GBE1: variants seen among roughly 807,000 people sequenced by gnomAD.
GBE1 encodes the protein 1,4-alpha-glucan-branching enzyme.
GBE1 carries 70 observed loss-of-function variants against 88.8 expected under a neutral mutation model. That is an observed-to-expected ratio of 0.79 (90% CI 0.65 to 0.96). The LOEUF is 0.96. Ranked by LOEUF, GBE1 falls within the 40% of genes least tolerant of loss-of-function variation. GBE1 has a pLI of 0.00. For missense variants in GBE1, 872 were observed against 871.0 expected, an observed-to-expected ratio of 1.00 and a Z score of -0.01; for synonymous variants, 284 against 300.1, an observed-to-expected ratio of 0.95 and a Z score of 0.56.
intron 6 of GBE1, among the ~76,000 whole-genome samples, chr3:81,645,040 A>T (rs184145852): frequency 2.4e-4 from 37 of 152,304 alleles, no homozygotes; most frequent in African/African-American, 8.7e-4. Flanking sequence ...TTAATTTTGG[A>T]CACATGAAGT....
chr3:81,669,809 C>G (rs1388201506), intron 3 of GBE1, among the ~76,000 whole-genome samples: 1 of 152,046 alleles, frequency 6.6e-6, no homozygotes, highest in Non-Finnish European at 1.5e-5. Flanking sequence ...CTTCTTATCC[C>G]AAACAATATT....
chr3:81,559,968 TA>T (rs1703395898), intron 12 of GBE1, among the ~76,000 whole-genome samples: 1 of 151,976 alleles, frequency 6.6e-6, no homozygotes. Flanking sequence ...CAAAGGATTT[TA>T]AAATATCCTA....
At chr3:81,507,666 ATGTG>A (rs900995879) in intron 14 of GBE1, among the ~76,000 whole-genome samples, 1 of 148,212 alleles carries the variant, frequency 6.7e-6, no homozygotes, top group African/African-American at 2.5e-5. Context: ...TTATACATAT[ATGTG>A]TGTGTGTATA....
chr3:81,499,053 T>G (rs1231013676), intron 15 of GBE1, 57 bp downstream of exon 15: 1 of 928,996 alleles, frequency 1.1e-6, no homozygotes, highest in Non-Finnish European at 1.6e-6. Flanking sequence ...ACAAAAACAT[T>G]ACTATAATAA....
chr3:81,658,286 T>A (rs1397445435), intron 3 of GBE1, among the ~76,000 whole-genome samples: 4 of 152,082 alleles, frequency 2.6e-5, no homozygotes, highest in African/African-American at 9.7e-5. Flanking sequence ...TGTAATGTGA[T>A]ACAAATGAGT....
intron 7 of GBE1, among the ~76,000 whole-genome samples, chr3:81,598,808 TA>T (rs1179162949): frequency 4.6e-5 from 7 of 151,782 alleles, no homozygotes; most frequent in African/African-American, 1.7e-4. Context: ...ATTCAACTAC[TA>T]AAAATTTGTA....
At chr3:81,547,202 C>T (rs1236840855) in intron 12 of GBE1, among the ~76,000 whole-genome samples, 1 of 151,388 alleles carries the variant, frequency 6.6e-6, no homozygotes, top group Admixed American at 6.6e-5. Flanking sequence ...GATTTAAAGG[C>T]TCCTCTCAGA....
In GBE1 at chr3:81,725,411, G is replaced by C. The variant is rs142130685; in HGVS notation, c.144-19798C>G. 5.8e-3 allele frequency among the ~76,000 whole-genome samples: 883 copies of C among 152,132 alleles called. 5 individuals carry two copies. Among genetic ancestry groups the C allele is most frequent in the African/African-American group, 0.02 (842 of 41,484 alleles). ...ACCTCCATATCTTGTCCCACTGGAA[G>C]GTCTTCAGGAGCAGTAACACACATG... On this transcript the variant is annotated intron_variant, in intron 1 of 15. Transcript: ENST00000429644.
intron 3 of GBE1, among the ~76,000 whole-genome samples, chr3:81,658,098 C>A (rs1044870941): frequency 6.6e-6 from 1 of 152,124 alleles, no homozygotes; most frequent in Admixed American, 6.5e-5. Context: ...TTAAAACATG[C>A]CATCATAATG....
At chr3:81,668,052 G>A (rs771811016) in intron 3 of GBE1, among the ~76,000 whole-genome samples, 7 of 152,170 alleles carry the variant, frequency 4.6e-5, no homozygotes, top group Admixed American at 1.3e-4. Flanking sequence ...AAAAAGAAAT[G>A]AGATCATATC....
At chr3:81,523,882 C>A (rs939368311) in intron 14 of GBE1, among the ~76,000 whole-genome samples, 1 of 151,664 alleles carries the variant, frequency 6.6e-6, no homozygotes, top group African/African-American at 2.4e-5. Context: ...ACTATATTTT[C>A]TTTGTTCATT....
rs543529348 is a variant in GBE1, at chr3:81,506,780, G to C, written c.1935-7553C>G. ...CATGTTCTTTGCAGGGACATGAATG[G>C]AGCTGGAGGCCATTATCCTTAGCAA... On this transcript the variant is annotated intron_variant, in intron 14 of 15. Transcript: ENST00000429644. 2.6e-5 allele frequency among the ~76,000 whole-genome samples: 4 copies of C among 152,260 alleles called. No individual in the cohort carries two copies. The South Asian group carries it at 8.3e-4, about 32-fold the overall frequency.
intron 15 of GBE1, among the ~76,000 whole-genome samples, chr3:81,498,001 A>G (rs1468450091): frequency 3.9e-5 from 6 of 152,154 alleles, no homozygotes; most frequent in African/African-American, 1.2e-4. Flanking sequence ...TTCTCCAAAT[A>G]TATCTAAAGC....
chr3:81,738,470 T>C (rs979622335), intron 1 of GBE1, among the ~76,000 whole-genome samples: 1 of 152,104 alleles, frequency 6.6e-6, no homozygotes, highest in Non-Finnish European at 1.5e-5. Flanking sequence ...TGGTATCTCA[T>C]TGTGGTTTTG....
intron 7 of GBE1, among the ~76,000 whole-genome samples, chr3:81,608,938 G>A (rs1313581572): frequency 5.9e-5 from 9 of 152,128 alleles, no homozygotes; most frequent in Non-Finnish European, 1.3e-4. Context: ...ATAAGGAAAC[G>A]TTGACTCAAA....
chr3:81,619,887 T>C (rs1704301140), intron 7 of GBE1, among the ~76,000 whole-genome samples: 1 of 152,054 alleles, frequency 6.6e-6, no homozygotes. Context: ...TTTTTCTTTT[T>C]ACCTTTTTTT....
chr3:81,658,128 A>G (rs375381425), intron 3 of GBE1, among the ~76,000 whole-genome samples: 2 of 152,152 alleles, frequency 1.3e-5, no homozygotes, highest in East Asian at 1.9e-4. Context: ...TCTTTAATAA[A>G]AAACAAGAAA....
chr3:81,504,828 G>A (rs567472648), intron 14 of GBE1, among the ~76,000 whole-genome samples: 1 of 152,158 alleles, frequency 6.6e-6, no homozygotes, highest in Non-Finnish European at 1.5e-5. Context: ...TCTGTTCAAA[G>A]TATAAGGATT....
At chr3:81,658,142 T>C (rs1023186078) in intron 3 of GBE1, among the ~76,000 whole-genome samples, 4 of 152,136 alleles carry the variant, frequency 2.6e-5, no homozygotes, top group Non-Finnish European at 5.9e-5. Context: ...CAAGAAACCT[T>C]TCCAAGGTTG....
Sources: allele counts gnomAD v4.1 joint callset (sites outside exome capture counted in the v4.1 genomes callset), GRCh38; gene constraint gnomAD v4.1.1; transcripts MANE v1.5; gene names NCBI Gene and HGNC (gene_info 2026-07-23, HGNC 2026-07-21).